RTRAF: variants seen among roughly 807,000 people sequenced by gnomAD.
RTRAF encodes RNA transcription, translation and transport factor.
In RTRAF, 14 loss-of-function variants were observed where a neutral mutation model predicts 34.4. That is an observed-to-expected ratio of 0.41 (90% CI 0.27 to 0.64). The LOEUF (loss-of-function observed/expected upper bound fraction) is 0.64, where lower values mean the gene tolerates loss of function less well. RTRAF is among the 30% of genes least tolerant of loss of function. The pLI is 0.34. For missense variants in RTRAF, 291 were observed against 288.4 expected (o/e 1.01, Z -0.06); for synonymous variants, 96 against 95.3 (o/e 1.01, Z -0.04).
At chr14:51,995,917 C>A (rs1386789935) in intron 3 of RTRAF, among the ~76,000 whole-genome samples, 1 of 152,060 alleles carries the variant, frequency 6.6e-6, no homozygotes, top group Non-Finnish European at 1.5e-5. Context: ...TTTATCTACC[C>A]TGCTCTGGAT....
At chr14:51,991,115 C>G (rs1034210323) in intron 1 of RTRAF, among the ~76,000 whole-genome samples, 1 of 152,190 alleles carries the variant, frequency 6.6e-6, no homozygotes, top group Non-Finnish European at 1.5e-5. Context: ...CAGTAAGTAT[C>G]TGGACCCAGG....
chr14:52,001,428 C>G (rs541300612), intron 5 of RTRAF, among the ~76,000 whole-genome samples: 1 of 152,070 alleles, frequency 6.6e-6, no homozygotes, highest in Non-Finnish European at 1.5e-5. Flanking sequence ...TAAGCATGCT[C>G]GTCATTTCGC....
Position 52,004,803 on chromosome 14 carries a change from C to A in RTRAF, c.*287C>A. The A allele has an allele frequency of 3.9e-6, 1 of 257,036 alleles. No homozygotes were observed. The highest frequency in any genetic ancestry group is 7.3e-6 in the Non-Finnish European group (1 of 137,634). 15.9% of individuals were successfully genotyped at this position (257,036 alleles called of 1,614,324 possible). On this transcript the variant is annotated 3_prime_UTR_variant, in exon 8 of 8. Transcript: ENST00000261700. ...CTAGAGACAATATAGATCCTTAAGT[C>A]ATAGGAAAACTTAAAACACTTTATT...
rs1890718555 is a variant in RTRAF, at chr14:52,005,251, A to AATTCTGTTACCTTTTTAAACTTGC, written c.*737_*760dup. Reference sequence around the variant, plus strand: ...AGTTGCTTTAATAAGCAACAGTTAAAATTCTGTTACCTTTTTAAACTTGCA... The same window carrying AATTCTGTTACCTTTTTAAACTTGC: ...AGTTGCTTTAATAAGCAACAGTTAAAATTCTGTTACCTTTTTAAACTTGCATTCTGTTACCTTTTTAAACTTGCA... On this transcript the variant is annotated 3_prime_UTR_variant, in exon 8 of 8. Coordinates refer to ENST00000261700, the MANE Select transcript of RTRAF (RefSeq NM_016039.3). 2.6e-6 allele frequency: 1 copy of AATTCTGTTACCTTTTTAAACTTGC among 384,010 alleles called. No homozygotes were observed. The highest frequency in any genetic ancestry group is 2.1e-5 in the African/African-American group (1 of 48,172). The allele number at this position is 384,010 out of a possible 1,614,324, so 23.8% of individuals were successfully genotyped here.
intron 2 of RTRAF, among the ~76,000 whole-genome samples, chr14:51,992,198 T>C (rs1374247386): frequency 6.6e-6 from 1 of 152,246 alleles, no homozygotes; most frequent in Non-Finnish European, 1.5e-5. Context: ...TAAAAAAGAA[T>C]TCTCAGATTA....
intron 3 of RTRAF, among the ~76,000 whole-genome samples, chr14:51,995,876 G>A (rs927731864): frequency 6.6e-6 from 1 of 151,932 alleles, no homozygotes; most frequent in South Asian, 2.1e-4. Flanking sequence ...CTTTAGTGTA[G>A]TATTGATTTT....
chr14:51,989,615 G>A lies in RTRAF; in HGVS notation c.-25G>A. The stretch of plus-strand genomic sequence containing the variant: ...TTCTTCTCTCCCGGCCGAGGCCCGG[G>A]GGACCAGAGCGAGAAGCGGGGACCA... On this transcript the variant is annotated 5_prime_UTR_variant, in exon 1 of 8. Transcript: ENST00000261700. 2 of 1,592,132 alleles carry A rather than the reference G, an allele frequency of 1.3e-6. No individual in the cohort carries two copies. The highest frequency in any genetic ancestry group is 8.5e-7 in the Non-Finnish European group (1 of 1,169,914).
At chr14:52,003,708 T>A (rs1231941155) in intron 6 of RTRAF, among the ~76,000 whole-genome samples, 1 of 151,942 alleles carries the variant, frequency 6.6e-6, no homozygotes, top group Admixed American at 6.6e-5. Flanking sequence ...GAAAGTTAAA[T>A]TATACATAAT....
chr14:51,992,760 G>A (rs904262282), intron 2 of RTRAF, among the ~76,000 whole-genome samples: 10 of 152,226 alleles, frequency 6.6e-5, no homozygotes, highest in Non-Finnish European at 1.5e-4. Flanking sequence ...GCTGGGCACG[G>A]TGGCTCATGC....
chr14:51,994,233 C>T lies in RTRAF; in HGVS notation c.286+411C>T, dbSNP rs181706746. Among the ~76,000 whole-genome samples, 9 of 152,304 alleles carry T rather than the reference C, an allele frequency of 5.9e-5. 1 individual carries two copies. Among genetic ancestry groups the T allele is most frequent in the Admixed American group, 4.6e-4 (7 of 15,304 alleles). On this transcript the variant is annotated intron_variant, in intron 3 of 7. Transcript: ENST00000261700. ...GGCCAGAATATATTACTTATGTTTA[C>T]TGTCTTAGCACAGATACTTCTATGG...
rs1262495307 is a variant in RTRAF at position 51,991,336 on chromosome 14, C to T, written c.81C>T (p.Asn27=). 1.2e-6 allele frequency: 2 copies of T among 1,613,136 alleles called. No individual in the cohort carries two copies. The highest frequency in any genetic ancestry group is 8.5e-7 in the Non-Finnish European group (1 of 1,179,548). ...TTGCAGATGAAACAGAATTTAGAAA[C>T]TTCATCGTTTGGCTTGAAGACCAGA... The part of the protein sequence containing the change: ...FNCKDETEFR[N]FIVWLEDQKI... Residue 27 remains asparagine, a synonymous_variant, in exon 2 of 8, where the codon AAC becomes AAT. Transcript: ENST00000261700.
intron 1 of RTRAF, 60 bp from the exon 2 acceptor site, chr14:51,991,257 C>T (rs976434624): frequency 1.3e-6 from 2 of 1,522,272 alleles, no homozygotes; most frequent in African/African-American, 1.4e-5. Flanking sequence ...GAACATATAC[C>T]TGAGAAGGAG....
intron 6 of RTRAF, among the ~76,000 whole-genome samples, chr14:52,003,256 G>A (rs1409706079): frequency 6.6e-6 from 1 of 152,044 alleles, no homozygotes; most frequent in Non-Finnish European, 1.5e-5. Context: ...TTGGTGGCCT[G>A]TTGGCAAAGG....
intron 3 of RTRAF, among the ~76,000 whole-genome samples, chr14:51,997,355 C>T (rs1890536555): frequency 6.6e-6 from 1 of 151,874 alleles, no homozygotes; most frequent in Non-Finnish European, 1.5e-5. Flanking sequence ...CTCTAATTTA[C>T]TTGTTTAAAT....
Position 52,006,454 on chromosome 14 carries a change from G to GGTACTGACTTTTGGTAAA in RTRAF, c.*1939_*1956dup. 6.5e-7 allele frequency: 1 copy of GGTACTGACTTTTGGTAAA among 1,535,954 alleles called. No homozygotes were observed. Among genetic ancestry groups the GGTACTGACTTTTGGTAAA allele is most frequent in the Non-Finnish European group, 8.9e-7 (1 of 1,123,642 alleles). The stretch of plus-strand genomic sequence containing the variant: ...TCAGAGGGCTTAATGAGTCAAGTCA[G>GGTACTGACTTTTGGTAAA]GTACTGACTTTTGGTAAAACAAGTG... On this transcript the variant is annotated 3_prime_UTR_variant, in exon 8 of 8. Transcript: ENST00000261700.
In RTRAF at chr14:52,005,460, C is replaced by A. The variant is rs1358944234; in HGVS notation, c.*944C>A. On this transcript the variant is annotated 3_prime_UTR_variant, in exon 8 of 8. Transcript: ENST00000261700. ...AGGGTCCAGGTTCTGATTGTAAACT[C>A]CAAGTCTTCCTTTACATTACTGTAC... is the stretch of plus-strand genomic sequence containing the variant. 1 of 1,577,280 alleles carries A rather than the reference C, an allele frequency of 6.3e-7. No homozygotes were observed. Among genetic ancestry groups the A allele is most frequent in the East Asian group, 2.2e-5 (1 of 44,696 alleles).
chr14:51,991,265 G>A lies in RTRAF; in HGVS notation c.62-52G>A, dbSNP rs1890429800. The A allele has an allele frequency of 4.5e-6, 7 of 1,539,768 alleles. No individual in the cohort carries two copies. The Admixed American group carries it at 7.0e-5, about 15-fold the overall frequency. On this transcript the variant is annotated intron_variant, in intron 1 of 7. Coordinates refer to ENST00000261700, the MANE Select transcript of RTRAF (RefSeq NM_016039.3). ...TATATCTGAACATATACCTGAGAAGGAGGTATTTTATGTAGTGCTTCTAGT... is the reference window on the plus strand; with the variant it reads ...TATATCTGAACATATACCTGAGAAGAAGGTATTTTATGTAGTGCTTCTAGT...
Position 51,998,528 on chromosome 14 carries a change from A to C in RTRAF, c.321A>C (p.Ser107=), listed in dbSNP as rs1438995675. 1.9e-5 allele frequency: 30 copies of C among 1,590,960 alleles called. No individual in the cohort carries two copies. The highest frequency in any genetic ancestry group is 2.5e-5 in the Non-Finnish European group (29 of 1,168,636). Residue 107 remains serine, a synonymous_variant, in exon 4 of 8, where the codon TCA becomes TCC. Transcript: ENST00000261700. The part of the protein sequence containing the change: ...EKYKDLVPDN[S]KTADNATKNA... ...ACAAGGATTTAGTACCTGATAATTC[A>C]AAAACTGCTGACAATGCAACTAAAA... is the stretch of plus-strand genomic sequence containing the variant.
At chr14:51,990,549 A>G (rs1255191308) in intron 1 of RTRAF, among the ~76,000 whole-genome samples, 2 of 152,230 alleles carry the variant, frequency 1.3e-5, no homozygotes, top group Non-Finnish European at 2.9e-5. Context: ...GCAGGATGAC[A>G]GTGTTTTGTT....
Sources: gnomAD v4.1 joint callset for allele counts (sites outside exome capture counted in the v4.1 genomes callset) on GRCh38, gnomAD v4.1.1 for gene constraint, MANE v1.5 for transcripts, NCBI Gene and HGNC (gene_info 2026-07-23, HGNC 2026-07-21) for gene names.